LPGAT1: variants seen among roughly 807,000 people sequenced by gnomAD.
The protein encoded by LPGAT1 is lysophosphatidylglycerol acyltransferase 1.
LPGAT1 carries 11 observed loss-of-function variants against 47.5 expected under a neutral mutation model. The observed-to-expected ratio is 0.23, with a 90% confidence interval of 0.15 to 0.38. The LOEUF (loss-of-function observed/expected upper bound fraction) is 0.38, where lower values mean the gene tolerates loss of function less well. Among genes scored for constraint, LPGAT1 ranks in the 10% least tolerant of loss-of-function variants. LPGAT1 has a pLI of 1.00. For missense variants in LPGAT1, 293 were observed against 439.0 expected, an observed-to-expected ratio of 0.67 and a Z score of 2.97; for synonymous variants, 138 against 144.2, an observed-to-expected ratio of 0.96 and a Z score of 0.31.
At chr1:211,811,620 G>A (rs901653058) in intron 2 of LPGAT1, among the ~76,000 whole-genome samples, 3 of 152,180 alleles carry the variant, frequency 2.0e-5, no homozygotes, top group African/African-American at 7.2e-5. Flanking sequence ...AGCCAGGCAT[G>A]GTGGTGTGCA....
At chr1:211,773,336 C>T (rs4951549) in intron 6 of LPGAT1, among the ~76,000 whole-genome samples, 148,528 of 152,280 alleles carry the variant, frequency 0.98, 72,449 homozygotes, top group East Asian at 1. Flanking sequence ...GTTTGTTTAC[C>T]CTTGCTAGAC....
intron 6 of LPGAT1, among the ~76,000 whole-genome samples, chr1:211,756,748 A>G (rs1657472310): frequency 6.6e-6 from 1 of 152,204 alleles, no homozygotes; most frequent in African/African-American, 2.4e-5. Context: ...ATCTCTTTCA[A>G]ACTAAACATT....
At chr1:211,755,569 A>G (rs61831162) in intron 6 of LPGAT1, among the ~76,000 whole-genome samples, 18,209 of 151,700 alleles carry the variant, frequency 0.12, 1,319 homozygotes, top group Non-Finnish European at 0.15. Context: ...TAGAGGAAAG[A>G]AGGAAGGAGT....
chr1:211,816,689 T>C (rs1160365176), intron 2 of LPGAT1, among the ~76,000 whole-genome samples: 2 of 152,190 alleles, frequency 1.3e-5, no homozygotes, highest in Non-Finnish European at 2.9e-5. Context: ...CTAATAATAA[T>C]GAAATTATCA....
At position 211,830,716 on chromosome 1, in the gene LPGAT1, C is replaced by T; in HGVS notation, c.-171G>A. 1 of 1,180,964 alleles carries T rather than the reference C, an allele frequency of 8.5e-7. No homozygotes were observed. Among genetic ancestry groups the T allele is most frequent in the Non-Finnish European group, 1.0e-6 (1 of 955,254 alleles). The allele number at this position is 1,180,964 out of a possible 1,614,324, so 73.2% of individuals were successfully genotyped here. A position where few individuals can be genotyped will look rare whatever the true frequency, so the allele number is the denominator to read the frequency against. ...GGCGCGGCCCGCGCCCGTTCCCCGG[C>T]GGCGCCGAGACTCGGTCCCCAAGGG... On this transcript the variant is annotated 5_prime_UTR_variant, in exon 1 of 8. Coordinates refer to ENST00000366997, the MANE Select transcript of LPGAT1 (RefSeq NM_014873.3). The surrounding 1 kb of genome is among the most constrained non-coding windows in gnomAD (Gnocchi z 5.9).
chr1:211,810,105 C>T (rs1659913053), intron 2 of LPGAT1, among the ~76,000 whole-genome samples: 1 of 152,024 alleles, frequency 6.6e-6, no homozygotes, highest in African/African-American at 2.4e-5. Flanking sequence ...TCTATGGTTC[C>T]TCCCTGCCTG....
chr1:211,805,617 T>C (rs891675659), intron 2 of LPGAT1, among the ~76,000 whole-genome samples: 2 of 152,202 alleles, frequency 1.3e-5, no homozygotes, highest in African/African-American at 4.8e-5. Context: ...CTAAGATGAA[T>C]AGATAACCAA....
rs1490212526 is a variant in LPGAT1 at position 211,783,472 on chromosome 1, G to T, written c.484C>A (p.Leu162Ile). ...GRSYRDQQLL[L>I]LKKHLENNYR... ...TTATTTTCTAAGTGCTTCTTGAGAA[G>T]CAGCAGCTGTTGGTCACGATAAGAT... Residue 162 changes from leucine (L) to isoleucine (I), a missense_variant, in exon 5 of 8, where the codon CTT (leucine) becomes ATT (isoleucine). Coordinates refer to ENST00000366997, the MANE Select transcript of LPGAT1 (RefSeq NM_014873.3). 1.2e-6 allele frequency: 2 copies of T among 1,613,724 alleles called. No individual in the cohort carries two copies. Among genetic ancestry groups the T allele is most frequent in the African/African-American group, 2.7e-5 (2 of 74,896 alleles).
rs945686864 is a variant in LPGAT1, at chr1:211,743,477, T to C, written c.*6422A>G. 1.3e-5 allele frequency: 2 copies of C among 152,232 alleles called. No individual in the cohort carries two copies. The highest frequency in any genetic ancestry group is 2.9e-5 in the Non-Finnish European group (2 of 68,046). The allele number at this position is 152,232 out of a possible 1,614,324, so 9.4% of individuals were successfully genotyped here. A position where few individuals can be genotyped will look rare whatever the true frequency, so the allele number is the denominator to read the frequency against. On this transcript the variant is annotated 3_prime_UTR_variant, in exon 8 of 8. Transcript: ENST00000366997. Reference sequence around the variant, plus strand: ...CCAGATCCTGAGAGGTAAAAATTTATTGATTTCTATCATATCAGCATGTTA... The same window carrying C: ...CCAGATCCTGAGAGGTAAAAATTTACTGATTTCTATCATATCAGCATGTTA...
chr1:211,768,756 T>C (rs899917474), intron 6 of LPGAT1, among the ~76,000 whole-genome samples: 1 of 152,172 alleles, frequency 6.6e-6, no homozygotes, highest in Admixed American at 6.6e-5. Context: ...TAGAAAATCA[T>C]CCCAAATCCT....
chr1:211,767,976 T>G (rs1658011135), intron 6 of LPGAT1, among the ~76,000 whole-genome samples: 1 of 152,208 alleles, frequency 6.6e-6, no homozygotes, highest in African/African-American at 2.4e-5. Flanking sequence ...TTACAAAAAG[T>G]TGACCTAAAA....
intron 3 of LPGAT1, chr1:211,792,388 T>TG (rs146040144): frequency 0.023 from 3,344 of 146,546 alleles, 121 homozygotes; most frequent in Non-Finnish European, 0.026. Flanking sequence ...GAACTACAAG[T>TG]GGCACCACTG....
At chr1:211,764,626 T>C (rs1259781935) in intron 6 of LPGAT1, among the ~76,000 whole-genome samples, 1 of 152,210 alleles carries the variant, frequency 6.6e-6, no homozygotes, top group East Asian at 1.9e-4. Flanking sequence ...AACAACATAC[T>C]AAAATGTAAT....
intron 4 of LPGAT1, 135 bp downstream of exon 4, chr1:211,787,489 CAAAAAAAA>C (rs374026763): frequency 4.7e-5 from 9 of 190,664 alleles, no homozygotes; most frequent in African/African-American, 2.6e-4. Flanking sequence ...CTCTGTCTCT[CAAAAAAAA>C]AAAAAAAAAA....
intron 6 of LPGAT1, among the ~76,000 whole-genome samples, chr1:211,768,510 C>A (rs72746515): frequency 0.051 from 7,826 of 152,200 alleles, 268 homozygotes; most frequent in Non-Finnish European, 0.071. Context: ...CAACATTTAT[C>A]GTTTAGACTT....
At chr1:211,806,158 G>A (rs1185677399) in intron 2 of LPGAT1, among the ~76,000 whole-genome samples, 1 of 151,808 alleles carries the variant, frequency 6.6e-6, no homozygotes, top group Non-Finnish European at 1.5e-5. Context: ...TACTTGGGAG[G>A]CTGAGACACA....
intron 6 of LPGAT1, among the ~76,000 whole-genome samples, chr1:211,755,337 CA>C (rs879446099): frequency 2.1e-5 from 3 of 145,070 alleles, no homozygotes; most frequent in Admixed American, 1.4e-4. Flanking sequence ...GACTCCGTCT[CA>C]AAAAAAATAA....
intron 2 of LPGAT1, chr1:211,793,435 T>G (rs140340583): frequency 0.078 from 10,881 of 138,866 alleles, 448 homozygotes; most frequent in Non-Finnish European, 0.1. Context: ...ATTTATTTAT[T>G]TATTTATTTA....
chr1:211,829,689 G>A, intron 1 of LPGAT1: 1 of 1,042,440 alleles, frequency 9.6e-7, no homozygotes, highest in South Asian at 3.4e-5. Flanking sequence ...TCTCCAAACT[G>A]AAGACACAAG....
Sources: allele counts gnomAD v4.1 joint callset (sites outside exome capture counted in the v4.1 genomes callset), GRCh38; gene constraint gnomAD v4.1.1; non-coding constraint Gnocchi (gnomAD v3.1); transcripts MANE v1.5; gene names NCBI Gene and HGNC (gene_info 2026-07-23, HGNC 2026-07-21).